MACROD2: variants seen among roughly 807,000 people sequenced by gnomAD.
MACROD2 encodes the protein mono-ADP ribosylhydrolase 2.
Under a neutral mutation model 70.4 loss-of-function variants are expected in MACROD2, and 36 were observed. That is an observed-to-expected ratio of 0.51 (90% CI 0.39 to 0.68). MACROD2 has a LOEUF of 0.68. MACROD2 is among the 30% of genes least tolerant of loss of function. The pLI, the probability that MACROD2 is intolerant of heterozygous loss-of-function variation, is 0.00. For synonymous variants in MACROD2, 172 were observed against 178.8 expected (o/e 0.96, Z 0.30); for missense variants, 496 against 538.4 (o/e 0.92, Z 0.78).
intron 3 of MACROD2, among the ~76,000 whole-genome samples, chr20:14,385,493 T>C (rs1416163255): frequency 6.6e-6 from 1 of 152,192 alleles, no homozygotes; most frequent in African/African-American, 2.4e-5. Flanking sequence ...TAATGCTTAG[T>C]AACATAACCC....
intron 4 of MACROD2, among the ~76,000 whole-genome samples, chr20:14,663,557 T>C (rs1045690557): frequency 3.4e-4 from 45 of 130,998 alleles, no homozygotes; most frequent in East Asian, 1.1e-3. Flanking sequence ...CACACACACA[T>C]GCACACATAT....
intron 2 of MACROD2, among the ~76,000 whole-genome samples, chr20:14,078,628 G>A (rs4461328): frequency 0.042 from 6,379 of 151,954 alleles, 146 homozygotes; most frequent in Non-Finnish European, 0.051. Flanking sequence ...GGCCGGTCTC[G>A]AACTCCTGAC....
chr20:14,994,933 G>A (rs2074936597), intron 5 of MACROD2, among the ~76,000 whole-genome samples: 1 of 152,060 alleles, frequency 6.6e-6, no homozygotes, highest in African/African-American at 2.4e-5. Flanking sequence ...GAGCCCAGGA[G>A]TTTGAGAGAA....
chr20:15,420,315 G>C (rs1380536128), intron 6 of MACROD2, among the ~76,000 whole-genome samples: 1 of 152,116 alleles, frequency 6.6e-6, no homozygotes, highest in African/African-American at 2.4e-5. Context: ...GAAAGCAGCT[G>C]GCAATAAATG....
chr20:14,102,622 T>C lies in MACROD2; in HGVS notation c.271+16894T>C, dbSNP rs533324116. On this transcript the variant is annotated intron_variant, in intron 3 of 17. Coordinates refer to ENST00000684519, the MANE Select transcript of MACROD2 (RefSeq NM_001351661.2). The stretch of plus-strand genomic sequence containing the variant: ...AATGACTGCACACCATTCACTTCTT[T>C]TGTTTTCCCTCCTCTGCTATGCCAG... Among the ~76,000 whole-genome samples the C allele has an allele frequency of 1.1e-4, 16 of 152,314 alleles. No individual in the cohort carries two copies. In the South Asian group the frequency reaches 3.1e-3, roughly 30 times the overall value.
intron 4 of MACROD2, among the ~76,000 whole-genome samples, chr20:14,677,718 T>C (rs6131600): frequency 0.2 from 29,783 of 151,974 alleles, 4,354 homozygotes; most frequent in African/African-American, 0.39. Context: ...TAAGTCTCTG[T>C]TTTAATCTTC....
At chr20:14,517,659 A>G (rs1466383538) in intron 4 of MACROD2, among the ~76,000 whole-genome samples, 1 of 152,194 alleles carries the variant, frequency 6.6e-6, no homozygotes, top group Non-Finnish European at 1.5e-5. Context: ...CATGTTCTGC[A>G]CATGTATCCC....
intron 4 of MACROD2, among the ~76,000 whole-genome samples, chr20:14,514,354 G>A (rs2085066185): frequency 6.6e-6 from 1 of 152,088 alleles, no homozygotes; most frequent in Non-Finnish European, 1.5e-5. Flanking sequence ...ATAAAATGAT[G>A]TATGTTCTTT....
intron 8 of MACROD2, among the ~76,000 whole-genome samples, chr20:15,501,765 G>A (rs889533093): frequency 1.6e-4 from 24 of 152,118 alleles, no homozygotes; most frequent in Non-Finnish European, 3.2e-4. Context: ...AACATATCAG[G>A]TTTTTCTAAA....
At chr20:14,160,737 T>C (rs2055174022) in intron 3 of MACROD2, among the ~76,000 whole-genome samples, 1 of 152,044 alleles carries the variant, frequency 6.6e-6, no homozygotes, top group Non-Finnish European at 1.5e-5. Context: ...CTGATTTTTA[T>C]TATTTTTTCT....
At chr20:15,122,438 A>G (rs954522552) in intron 5 of MACROD2, among the ~76,000 whole-genome samples, 1 of 152,200 alleles carries the variant, frequency 6.6e-6, no homozygotes, top group African/African-American at 2.4e-5. Context: ...ACCAAGTGGA[A>G]TATTTGTTGC....
chr20:14,118,990 C>T (rs565587465), intron 3 of MACROD2, among the ~76,000 whole-genome samples: 169 of 151,322 alleles, frequency 1.1e-3, no homozygotes, highest in Admixed American at 2.1e-3. Context: ...GGACTACAGG[C>T]ACCCGCCACC....
At chr20:16,034,076 C>T (rs1288627913) in intron 15 of MACROD2, among the ~76,000 whole-genome samples, 1 of 151,968 alleles carries the variant, frequency 6.6e-6, no homozygotes, top group Non-Finnish European at 1.5e-5. Flanking sequence ...TATGGATTTT[C>T]ACAAAATACC....
chr20:15,933,402 A>T, intron 11 of MACROD2, 64 bp downstream of exon 11: 1 of 1,428,192 alleles, frequency 7.0e-7, no homozygotes, highest in Non-Finnish European at 9.8e-7. Context: ...CAGTAACTTC[A>T]CTCAATGCTA....
intron 5 of MACROD2, among the ~76,000 whole-genome samples, chr20:14,703,211 C>T (rs1314421115): frequency 6.6e-6 from 1 of 151,910 alleles, no homozygotes; most frequent in African/African-American, 2.4e-5. Context: ...TTTTTGGGTA[C>T]ATAATGTCTC....
chr20:15,776,904 A>T (rs2051730778), intron 8 of MACROD2, among the ~76,000 whole-genome samples: 1 of 152,204 alleles, frequency 6.6e-6, no homozygotes, highest in African/African-American at 2.4e-5. Context: ...AAGAGATTGC[A>T]ATCACTATAA....
At chr20:14,630,791 C>CT (rs1273132240) in intron 4 of MACROD2, among the ~76,000 whole-genome samples, 1 of 152,072 alleles carries the variant, frequency 6.6e-6, no homozygotes, top group Non-Finnish European at 1.5e-5. Flanking sequence ...TATTTAATCC[C>CT]TTTTGAAATA....
intron 2 of MACROD2, 24 bp downstream of exon 2, chr20:14,002,428 A>G: frequency 6.8e-7 from 1 of 1,462,062 alleles, no homozygotes; most frequent in Non-Finnish European, 9.4e-7. Flanking sequence ...AACATTTTTT[A>G]GGTAGATATT....
At chr20:15,652,014 C>T (rs1017125382) in intron 8 of MACROD2, among the ~76,000 whole-genome samples, 3 of 152,054 alleles carry the variant, frequency 2.0e-5, no homozygotes, top group African/African-American at 4.8e-5. Context: ...AGACTTATTG[C>T]GTGGCCATGG....
Sources: gnomAD v4.1 joint callset for allele counts (sites outside exome capture counted in the v4.1 genomes callset) on GRCh38, gnomAD v4.1.1 for gene constraint, MANE v1.5 for transcripts, NCBI Gene and HGNC (gene_info 2026-07-23, HGNC 2026-07-21) for gene names.